The following PLCH1 variants were observed in gnomAD, a reference collection of about 807,000 sequenced individuals.
PLCH1 encodes 1-phosphatidylinositol 4,5-bisphosphate phosphodiesterase eta-1.
PLCH1 carries 60 observed loss-of-function variants against 126.7 expected under a neutral mutation model. That is an observed-to-expected ratio of 0.47 (90% CI 0.38 to 0.59). The LOEUF (loss-of-function observed/expected upper bound fraction) is 0.59, where lower values mean the gene tolerates loss of function less well. PLCH1 is among the 20% of genes least tolerant of loss of function. PLCH1 has a pLI of 0.00. For missense variants in PLCH1, 1,723 were observed against 2,040.0 expected (o/e 0.84, Z 2.99); for synonymous variants, 719 against 734.9 (o/e 0.98, Z 0.35).
Position 155,455,253 on chromosome 3 carries a change from A to T in PLCH1, c.2938+30103T>A, listed in dbSNP as rs1034017314. ...CAGAAGCCACAACCCTCACCCTGCC[A>T]CTGGTTGCAGCTCCCCCAGAGGCAA... On this transcript the variant is annotated intron_variant, in intron 21 of 21. Transcript: ENST00000494598. Among the ~76,000 whole-genome samples the T allele has an allele frequency of 3.3e-5, 5 of 152,268 alleles. No individual in the cohort carries two copies. In the South Asian group the frequency reaches 1.0e-3, roughly 32 times the overall value.
chr3:155,599,704 T>C (rs1733474408), intron 2 of PLCH1, among the ~76,000 whole-genome samples: 1 of 152,168 alleles, frequency 6.6e-6, no homozygotes, highest in Non-Finnish European at 1.5e-5. Flanking sequence ...TGCCTATGTA[T>C]CTGACACAGG....
chr3:155,482,808 C>T lies in PLCH1; in HGVS notation c.3218G>A (p.Ser1073Asn). Reference sequence around the variant, plus strand: ...ATGCTGCTTTGGGGAGAGAGACTTGCTGGGACAGGGGTTTTCCTGGCAATT... The same window carrying T: ...ATGCTGCTTTGGGGAGAGAGACTTGTTGGGACAGGGGTTTTCCTGGCAATT... ...TSNCQENPCPSKSLSPKQHLA... is the reference protein window; with the variant it reads ...TSNCQENPCPNKSLSPKQHLA... The change falls in exon 23 of 23, where the codon AGC (serine) becomes AAC (asparagine). Residue 1073 changes from serine to asparagine, a missense_variant. Around this residue, in one of 2 missense-constraint regions of PLCH1, gnomAD observed 947 missense variants for 977.1 expected, o/e 0.97. Coordinates refer to ENST00000460012, the MANE Select transcript of PLCH1 (RefSeq NM_014996.4). 6.2e-7 allele frequency: 1 copy of T among 1,614,034 alleles called. No individual in the cohort carries two copies. The highest frequency in any genetic ancestry group is 8.5e-7 in the Non-Finnish European group (1 of 1,180,006).
intron 19 of PLCH1, 112 bp from the exon 20 acceptor site, chr3:155,488,918 C>G (rs1715738657): frequency 1.1e-6 from 1 of 883,716 alleles, no homozygotes; most frequent in African/African-American, 1.7e-5. Flanking sequence ...GGTTATTAAA[C>G]TCATGAAGAC....
chr3:155,459,219 T>A (rs1712622288), intron 21 of PLCH1, among the ~76,000 whole-genome samples: 1 of 152,200 alleles, frequency 6.6e-6, no homozygotes. Flanking sequence ...AAATCCTTGA[T>A]AGGTAGTATG....
chr3:155,469,864 T>G (rs1713113523), intron 21 of PLCH1, among the ~76,000 whole-genome samples: 1 of 152,004 alleles, frequency 6.6e-6, no homozygotes, highest in Non-Finnish European at 1.5e-5. Flanking sequence ...CAGCTGAGGG[T>G]CCTGTCTGTT....
chr3:155,689,802 C>A (rs7642513), intron 2 of PLCH1, among the ~76,000 whole-genome samples: 13,467 of 151,736 alleles, frequency 0.089, 625 homozygotes, highest in Middle Eastern at 0.11. Flanking sequence ...CTCAAAAGGG[C>A]AAATCTAAAA....
chr3:155,474,229 A>G (rs1351844763), intron 21 of PLCH1, among the ~76,000 whole-genome samples: 1 of 149,346 alleles, frequency 6.7e-6, no homozygotes, highest in African/African-American at 2.4e-5. Context: ...CAAATTTACA[A>G]GAAAAAAACA....
At chr3:155,699,132 G>A (rs429143) in intron 2 of PLCH1, among the ~76,000 whole-genome samples, 60,077 of 150,540 alleles carry the variant, frequency 0.4, 12,724 homozygotes, top group African/African-American at 0.53. Flanking sequence ...CTGGAGTGCA[G>A]TGGCGCCATC....
At chr3:155,677,128 T>C (rs1446309103) in intron 2 of PLCH1, among the ~76,000 whole-genome samples, 1 of 152,212 alleles carries the variant, frequency 6.6e-6, no homozygotes, top group Non-Finnish European at 1.5e-5. Context: ...CTTTCTAATA[T>C]CGACCCTATT....
intron 2 of PLCH1, among the ~76,000 whole-genome samples, chr3:155,627,434 TC>T (rs10717754): frequency 0.49 from 73,703 of 151,638 alleles, 20,273 homozygotes; most frequent in African/African-American, 0.74. Context: ...ATCGAGACCA[TC>T]CTGGCTAACA....
intron 1 of PLCH1, among the ~76,000 whole-genome samples, chr3:155,724,366 G>A (rs1748160691): frequency 6.6e-6 from 1 of 152,028 alleles, no homozygotes; most frequent in Non-Finnish European, 1.5e-5. Flanking sequence ...TTATTGTGTT[G>A]CCATCTACCT....
At chr3:155,728,638 A>G (rs964032295) in intron 1 of PLCH1, among the ~76,000 whole-genome samples, 4 of 152,208 alleles carry the variant, frequency 2.6e-5, no homozygotes, top group African/African-American at 9.7e-5. Context: ...AGAGAGAGAA[A>G]GACAACAAGA....
chr3:155,460,343 C>T (rs969118560), intron 21 of PLCH1, among the ~76,000 whole-genome samples: 2 of 152,094 alleles, frequency 1.3e-5, no homozygotes, highest in African/African-American at 4.8e-5. Flanking sequence ...GGCACCAATA[C>T]CAGGGGACAC....
At chr3:155,608,486 C>T (rs1014621372) in intron 2 of PLCH1, among the ~76,000 whole-genome samples, 11 of 151,526 alleles carry the variant, frequency 7.3e-5, no homozygotes, top group African/African-American at 1.5e-4. Flanking sequence ...ATAAACTGCA[C>T]GAAGCTGCAT....
intron 2 of PLCH1, chr3:155,657,717 G>T (rs1168622159): frequency 6.6e-6 from 1 of 152,064 alleles, no homozygotes; most frequent in Non-Finnish European, 1.5e-5. Context: ...AAATACAAAG[G>T]GATTCATATA....
At chr3:155,487,288 C>T (rs1262664614) in intron 21 of PLCH1, among the ~76,000 whole-genome samples, 2 of 152,192 alleles carry the variant, frequency 1.3e-5, no homozygotes, top group Non-Finnish European at 1.5e-5. Flanking sequence ...GATGAGGAAG[C>T]TTCCAGCTAT....
At chr3:155,549,631 T>TA (rs1193932748) in intron 10 of PLCH1, among the ~76,000 whole-genome samples, 156 bp downstream of exon 10, 1 of 152,180 alleles carries the variant, frequency 6.6e-6, no homozygotes, top group Admixed American at 6.5e-5. Flanking sequence ...GACACGACTA[T>TA]AAAAAAATTG....
intron 8 of PLCH1, among the ~76,000 whole-genome samples, chr3:155,559,349 T>TA (rs1460986074): frequency 6.6e-6 from 1 of 152,106 alleles, no homozygotes; most frequent in Non-Finnish European, 1.5e-5. Flanking sequence ...CTAAAGTTGC[T>TA]AAAATCATAG....
chr3:155,647,349 G>A (rs149985575), intron 2 of PLCH1, among the ~76,000 whole-genome samples: 40 of 151,888 alleles, frequency 2.6e-4, no homozygotes, highest in African/African-American at 8.9e-4. Context: ...GATGAAAGAC[G>A]CTTGACTGCC....
Sources: gnomAD v4.1 joint callset for allele counts (sites outside exome capture counted in the v4.1 genomes callset) on GRCh38, gnomAD v4.1.1 for gene constraint, gnomAD v4.1.1 regional missense constraint, MANE v1.5 for transcripts, NCBI Gene and HGNC (gene_info 2026-07-23, HGNC 2026-07-21) for gene names.